TLL1: variants seen among roughly 807,000 people sequenced by gnomAD.
The protein encoded by TLL1 is tolloid-like protein 1.
Under a neutral mutation model 128.2 loss-of-function variants are expected in TLL1, and 49 were observed. The ratio of observed to expected loss-of-function variants is 0.38; its 90% CI spans 0.30 to 0.48. TLL1 has a LOEUF of 0.48. Ranked by LOEUF, TLL1 falls within the 20% of genes least tolerant of loss-of-function variation. TLL1 has a pLI of 0.96. For missense variants in TLL1, 1,123 were observed against 1,242.0 expected (o/e 0.90, Z 1.44); for synonymous variants, 454 against 418.8 (o/e 1.08, Z -1.03).
chr4:165,874,224 C>A (rs1730622901), intron 1 of TLL1, 151 bp downstream of exon 1: 1 of 967,002 alleles, frequency 1.0e-6, no homozygotes, highest in Admixed American at 2.0e-5. Context: ...TCCTTCCCTT[C>A]CCCACCCGCA....
rs1013598260 is a variant in TLL1 at position 165,938,142 on chromosome 4, GTGTT to G, written c.170-51232_170-51229del. 3.6e-4 allele frequency among the ~76,000 whole-genome samples: 54 copies of G among 152,058 alleles called. 1 individual carries two copies. The highest frequency in any genetic ancestry group is 1.2e-3 in the African/African-American group (48 of 41,518). On this transcript the variant is annotated intron_variant, in intron 1 of 20. Coordinates refer to ENST00000061240, the MANE Select transcript of TLL1 (RefSeq NM_012464.5). ...AAAAGCTTTTTGAATTATAGTTTTA[GTGTT>G]TGTTTGGTTCCCTTCAGGGCCTAGA...
At chr4:165,909,411 G>A (rs576179366) in intron 1 of TLL1, among the ~76,000 whole-genome samples, 78 of 152,256 alleles carry the variant, frequency 5.1e-4, no homozygotes, top group Non-Finnish European at 8.2e-4. Flanking sequence ...TTTAGAAGCC[G>A]TCAGAATGCA....
At chr4:165,954,467 T>C (rs1260774288) in intron 1 of TLL1, among the ~76,000 whole-genome samples, 1 of 151,730 alleles carries the variant, frequency 6.6e-6, no homozygotes, top group African/African-American at 2.4e-5. Flanking sequence ...GCATTAGGAG[T>C]GTGAGAGCGA....
At chr4:166,008,591 T>C (rs796102758) in intron 7 of TLL1, among the ~76,000 whole-genome samples, 3 of 151,672 alleles carry the variant, frequency 2.0e-5, no homozygotes, top group African/African-American at 7.2e-5. Flanking sequence ...TTTAGAATTA[T>C]AGTTCATCAC....
At chr4:166,004,955 G>C (rs1372918675) in intron 6 of TLL1, among the ~76,000 whole-genome samples, 1 of 143,704 alleles carries the variant, frequency 7.0e-6, no homozygotes, top group Non-Finnish European at 1.5e-5. Flanking sequence ...GTGGCGGGGG[G>C]GTGCCTGAAG....
chr4:166,026,386 C>T (rs1738491703), intron 9 of TLL1, among the ~76,000 whole-genome samples: 1 of 151,728 alleles, frequency 6.6e-6, no homozygotes, highest in Non-Finnish European at 1.5e-5. Flanking sequence ...GAGCAAGGCT[C>T]TGTCAAAAAC....
At chr4:165,940,414 AGT>A (rs751984501) in intron 1 of TLL1, among the ~76,000 whole-genome samples, 31 of 152,000 alleles carry the variant, frequency 2.0e-4, no homozygotes, top group Non-Finnish European at 4.1e-4. Context: ...AAATCTACTG[AGT>A]GTAAATTTCA....
intron 1 of TLL1, among the ~76,000 whole-genome samples, chr4:165,939,918 G>A (rs953538869): frequency 5.9e-5 from 9 of 151,910 alleles, no homozygotes; most frequent in Admixed American, 3.9e-4. Flanking sequence ...TTCGACACAC[G>A]TATTTTTCGT....
In TLL1 at chr4:166,071,420, A is replaced by T. The variant is rs77181589; in HGVS notation, c.2189-3458A>T. 3.1e-3 allele frequency among the ~76,000 whole-genome samples: 473 copies of T among 152,046 alleles called. 1 individual carries two copies. The highest frequency in any genetic ancestry group is 0.011 in the African/African-American group (440 of 41,530). Reference sequence around the variant, plus strand: ...AAAGCAGACATGTCCATTCCAAAGAAGGGGGCTAATTTCCTTCTGCAGAAA... The same window carrying T: ...AAAGCAGACATGTCCATTCCAAAGATGGGGGCTAATTTCCTTCTGCAGAAA... On this transcript the variant is annotated intron_variant, in intron 16 of 20. Coordinates refer to ENST00000061240, the MANE Select transcript of TLL1 (RefSeq NM_012464.5).
intron 9 of TLL1, among the ~76,000 whole-genome samples, chr4:166,028,758 C>T (rs1199052264): frequency 6.6e-6 from 1 of 151,916 alleles, no homozygotes; most frequent in African/African-American, 2.4e-5. Flanking sequence ...TGGGTTAAAA[C>T]TCTATTTCGT....
intron 7 of TLL1, among the ~76,000 whole-genome samples, chr4:166,009,365 G>A (rs11947602): frequency 0.013 from 2,031 of 151,500 alleles, 42 homozygotes; most frequent in African/African-American, 0.047. Flanking sequence ...GAAGGTACTG[G>A]AGAGTAGAGA....
intron 19 of TLL1, among the ~76,000 whole-genome samples, chr4:166,098,851 A>G (rs1315612237): frequency 6.6e-6 from 1 of 152,116 alleles, no homozygotes; most frequent in African/African-American, 2.4e-5. Context: ...CATCTTCTTT[A>G]TGAAAATAGT....
chr4:165,956,275 G>A (rs1037414586), intron 1 of TLL1, among the ~76,000 whole-genome samples: 2 of 152,016 alleles, frequency 1.3e-5, no homozygotes, highest in African/African-American at 2.4e-5. Context: ...GCAGAGAACC[G>A]ATCTGACCAC....
chr4:166,057,467 C>T (rs1432013485), intron 14 of TLL1, among the ~76,000 whole-genome samples, 158 bp downstream of exon 14: 3 of 152,154 alleles, frequency 2.0e-5, no homozygotes, highest in Non-Finnish European at 2.9e-5. Flanking sequence ...GATGTGAAAC[C>T]TTACCTGAAT....
At chr4:166,027,465 A>G in intron 9 of TLL1, among the ~76,000 whole-genome samples, 1 of 152,156 alleles carries the variant, frequency 6.6e-6, no homozygotes, top group East Asian at 1.9e-4. Context: ...TTCGCAGTGG[A>G]AACTCTAAAT....
chr4:166,047,426 A>G (rs2111100176), intron 12 of TLL1, among the ~76,000 whole-genome samples: 1 of 150,996 alleles, frequency 6.6e-6, no homozygotes, highest in South Asian at 2.1e-4. Flanking sequence ...GGCCTCCCAA[A>G]GTGCTGGGAT....
intron 1 of TLL1, among the ~76,000 whole-genome samples, chr4:165,987,474 T>G (rs1736439309): frequency 6.6e-6 from 1 of 152,084 alleles, no homozygotes; most frequent in African/African-American, 2.4e-5. Context: ...AAAACCACCC[T>G]CTTAGCTAGT....
intron 8 of TLL1, among the ~76,000 whole-genome samples, chr4:166,020,544 T>A (rs1478878216): frequency 6.6e-6 from 1 of 152,158 alleles, no homozygotes; most frequent in African/African-American, 2.4e-5. Flanking sequence ...TGGGGTCCCC[T>A]TTTTCTATGA....
intron 16 of TLL1, among the ~76,000 whole-genome samples, chr4:166,072,018 A>G (rs1740821337): frequency 6.6e-6 from 1 of 151,982 alleles, no homozygotes; most frequent in South Asian, 2.1e-4. Context: ...TGAGTATTCC[A>G]ATGATTTCCT....
Sources: allele counts gnomAD v4.1 joint callset (sites outside exome capture counted in the v4.1 genomes callset), GRCh38; gene constraint gnomAD v4.1.1; transcripts MANE v1.5; gene names NCBI Gene and HGNC (gene_info 2026-07-23, HGNC 2026-07-21).